The following TNXB variants were observed in gnomAD, a reference collection of about 807,000 sequenced individuals.
The protein encoded by TNXB is tenascin-X.
A neutral mutation model predicts 340.5 loss-of-function variants in TNXB; 183 were observed. The ratio of observed to expected loss-of-function variants is 0.54; its 90% CI spans 0.48 to 0.61. The LOEUF (loss-of-function observed/expected upper bound fraction) is 0.61, where lower values mean the gene tolerates loss of function less well. TNXB is among the 20% of genes least tolerant of loss of function. The pLI, the probability that TNXB is intolerant of heterozygous loss-of-function variation, is 0.00. For missense variants in TNXB, 4,613 were observed against 5,446.4 expected, an observed-to-expected ratio of 0.85 and a Z score of 4.82; for synonymous variants, 2,121 against 2,314.5, an observed-to-expected ratio of 0.92 and a Z score of 2.40.
In TNXB at chr6:32,070,400, C is replaced by T. The variant is rs778890919; in HGVS notation, c.5005G>A (p.Ala1669Thr). The change falls in exon 14 of 44, where the codon GCC becomes ACC. Residue 1669 changes from alanine to threonine, a missense_variant. Around this residue, in one of 7 missense-constraint regions of TNXB, gnomAD observed 4,327 missense variants for 4,859.4 expected, o/e 0.89. Transcript: ENST00000644971. The surrounding 1 kb of genome is among the most constrained non-coding windows in gnomAD (Gnocchi z 6.0). ...VEAKTVARGDASPGAPPRLGE... is the reference protein window; with the variant it reads ...VEAKTVARGDTSPGAPPRLGE... ...AGGCGGGGTGGGGCCCCTGGGCTGG[C>T]GTCACCTCGGGCAACTGGAGAGGAA... The T allele has an allele frequency of 8.2e-6, 13 of 1,590,690 alleles. No homozygotes were observed. Among genetic ancestry groups the T allele is most frequent in the South Asian group, 6.7e-5 (6 of 88,904 alleles).
chr6:32,082,193 G>A lies in TNXB; in HGVS notation c.3579C>T (p.Tyr1193=). Residue 1193 remains tyrosine (Y), a synonymous_variant, in exon 9 of 44, where the codon TAC becomes TAT. Coordinates refer to ENST00000644971, the MANE Select transcript of TNXB (RefSeq NM_001365276.2). This position sits in a 1 kb window ranked among gnomAD's most constrained non-coding sequence, Gnocchi z 5.0. ...CCTGGGGCCGTCCATCCCTGTCCCT[G>A]TACTGGACCATGAAGGTGTCAAACT... ...EGQFDTFMVQ[Y]RDRDGRPQVV... 6.2e-7 allele frequency: 1 copy of A among 1,612,580 alleles called. No homozygotes were observed. Among genetic ancestry groups the A allele is most frequent in the Non-Finnish European group, 8.5e-7 (1 of 1,179,616 alleles).
In TNXB at chr6:32,062,139, C is replaced by T. The variant is rs781722102; in HGVS notation, c.7168+18G>A. On this transcript the variant is annotated intron_variant, in intron 20 of 43. Transcript: ENST00000644971. This position sits in a 1 kb window ranked among gnomAD's most constrained non-coding sequence, Gnocchi z 4.3. ...CCCTCCCATGGCTCCCACCCTGGGG[C>T]TCCCATCGTCCACTCACCTGTCACC... The T allele has an allele frequency of 3.7e-6, 6 of 1,604,450 alleles. No individual in the cohort carries two copies. In the South Asian group the frequency reaches 6.6e-5, roughly 18 times the overall value.
chr6:32,074,054 T>G lies in TNXB; in HGVS notation c.4376-102A>C. ...TTTATTTTTTATTTTTGAGATGGAG[T>G]CTCGCTGTCACCCAGAGCAGTGGGC... On this transcript the variant is annotated intron_variant, in intron 11 of 43. Coordinates refer to ENST00000644971, the MANE Select transcript of TNXB (RefSeq NM_001365276.2). The surrounding 1 kb of genome is among the most constrained non-coding windows in gnomAD (Gnocchi z 5.5). The G allele has an allele frequency of 9.1e-4, 839 of 921,552 alleles. No individual in the cohort carries two copies. The highest frequency in any genetic ancestry group is 1.4e-3 in the Middle Eastern group (4 of 2,846). The allele number at this position is 921,552 out of a possible 1,614,324, so 57.1% of individuals were successfully genotyped here. A position where few individuals can be genotyped will look rare whatever the true frequency, so the allele number is the denominator to read the frequency against.
In TNXB at chr6:32,090,058, G is replaced by A. The variant is rs1399874691; in HGVS notation, c.2359-679C>T. ...ACCTTTCCCTTGAGGGACTTTTCTT[G>A]TCTCTTCACCCGGGTTGTAGGCTCC... On this transcript the variant is annotated intron_variant, in intron 4 of 43. Coordinates refer to ENST00000644971, the MANE Select transcript of TNXB (RefSeq NM_001365276.2). This position sits in a 1 kb window ranked among gnomAD's most constrained non-coding sequence, Gnocchi z 4.3. Among the ~76,000 whole-genome samples the A allele has an allele frequency of 1.3e-5, 2 of 152,112 alleles. No homozygotes were observed. The highest frequency in any genetic ancestry group is 4.8e-5 in the African/African-American group (2 of 41,422).
Position 32,042,114 on chromosome 6 carries a change from G to A in TNXB, c.12367C>T (p.Arg4123Trp). The A allele has an allele frequency of 6.8e-6, 4 of 590,028 alleles. No individual in the cohort carries two copies. Among genetic ancestry groups the A allele is most frequent in the Non-Finnish European group, 8.8e-6 (3 of 340,612 alleles). The allele number at this position is 590,028 out of a possible 1,614,324, so 36.5% of individuals were successfully genotyped here. A position where few individuals can be genotyped will look rare whatever the true frequency, so the allele number is the denominator to read the frequency against. ...GCGAACACAGCCTCGTCCCCAGCCC[G>A]CAGGTCCACGCGCATGGAGTAGTCA... ...AGDYSMRVDL[R>W]AGDEAVFAQY... is the part of the protein sequence containing the mutation. Residue 4123 changes from arginine (R) to tryptophan (W), a missense_variant, in exon 42 of 44, where the codon CGG becomes TGG. Around this residue, in one of 7 missense-constraint regions of TNXB, gnomAD observed 121 missense variants for 177.4 expected, o/e 0.68. Coordinates refer to ENST00000644971, the MANE Select transcript of TNXB (RefSeq NM_001365276.2).
In TNXB at chr6:32,070,376, G is replaced by C. The variant is rs1490081529; in HGVS notation, c.5029C>G (p.Leu1677Val). The C allele has an allele frequency of 3.1e-6, 5 of 1,600,592 alleles. No individual in the cohort carries two copies. The highest frequency in any genetic ancestry group is 4.3e-6 in the Non-Finnish European group (5 of 1,172,738). The change falls in exon 14 of 44, where the codon CTT becomes GTT. Residue 1677 changes from leucine to valine, a missense_variant. This residue lies in a region of TNXB where 4,327 missense variants were observed against 4,859.4 expected (regional missense o/e 0.89). Coordinates refer to ENST00000644971, the MANE Select transcript of TNXB (RefSeq NM_001365276.2). This position sits in a 1 kb window ranked among gnomAD's most constrained non-coding sequence, Gnocchi z 6.0. Reference protein sequence around the residue: ...GDASPGAPPRLGELWVTDPTP... With the variant: ...GDASPGAPPRVGELWVTDPTP... ...GGGTCTGTCACCCACAGCTCCCCAA[G>C]GCGGGGTGGGGCCCCTGGGCTGGCG...
At chr6:32,092,399 A>G (rs752465282) in intron 4 of TNXB, among the ~76,000 whole-genome samples, 1 of 152,238 alleles carries the variant, frequency 6.6e-6, no homozygotes, top group Non-Finnish European at 1.5e-5. Context: ...TTGATCTGGA[A>G]TAGCAGAGTT....
In TNXB at chr6:32,085,824, G is replaced by A. The variant is rs923551929; in HGVS notation, c.3074C>T (p.Pro1025Leu). Residue 1025 changes from proline (P) to leucine (L), a missense_variant, in exon 7 of 44, where the codon CCG becomes CTG. By Grantham distance (98) the Pro-to-Leu change is moderately conservative (BLOSUM62 -3). Coordinates refer to ENST00000644971, the MANE Select transcript of TNXB (RefSeq NM_001365276.2). This position sits in a 1 kb window ranked among gnomAD's most constrained non-coding sequence, Gnocchi z 6.4. ...GACCCCATGAAGTGACAGCTCATAC[G>A]GGGTTCCAGGAGGGGGTGGAGGCAC... ...ALVPPPPPGT[P>L]YELSLHGVPP... 8.1e-6 allele frequency: 13 copies of A among 1,603,912 alleles called. No individual in the cohort carries two copies. Among genetic ancestry groups the A allele is most frequent in the African/African-American group, 2.7e-5 (2 of 74,866 alleles).
chr6:32,054,611 TG>T (rs1256759087), intron 24 of TNXB, among the ~76,000 whole-genome samples: 1 of 152,228 alleles, frequency 6.6e-6, no homozygotes, highest in African/African-American at 2.4e-5. Context: ...TGGGTACTTG[TG>T]GGCAGAGTGA....
At position 32,042,691 on chromosome 6, in the gene TNXB, C is replaced by G; in HGVS notation, c.12058+8G>C. ...AGCCCCCGGCCCCGGGCCCGTGCGT[C>G]CAGGTACCCGTGGTGAAAGAGGTGG... On this transcript the variant is annotated splice_region_variant and intron_variant, in intron 39 of 43. Transcript: ENST00000644971. 1 of 1,193,720 alleles carries G rather than the reference C, an allele frequency of 8.4e-7. No homozygotes were observed. The highest frequency in any genetic ancestry group is 1.2e-6 in the Non-Finnish European group (1 of 851,478). The allele number at this position is 1,193,720 out of a possible 1,614,324, so 73.9% of individuals were successfully genotyped here.
At position 32,087,555 on chromosome 6, in the gene TNXB, G is replaced by A. The variant is rs1453054893; in HGVS notation, c.2779+1230C>T. ...CCCGGTCGACGCCTTCAGGCGAGAG[G>A]CCGTAGATTCCCTGGTTGGAGTCCC... On this transcript the variant is annotated intron_variant, in intron 6 of 43. Transcript: ENST00000644971. The surrounding 1 kb of genome is among the most constrained non-coding windows in gnomAD (Gnocchi z 9.0). 1 of 440,814 alleles carries A rather than the reference G, an allele frequency of 2.3e-6. No homozygotes were observed. The highest frequency in any genetic ancestry group is 4.5e-6 in the Non-Finnish European group (1 of 220,488). The allele number at this position is 440,814 out of a possible 1,614,324, so 27.3% of individuals were successfully genotyped here. A position where few individuals can be genotyped will look rare whatever the true frequency, so the allele number is the denominator to read the frequency against.
chr6:32,101,548 C>T (rs954369514), intron 1 of TNXB, among the ~76,000 whole-genome samples: 30 of 151,694 alleles, frequency 2.0e-4, no homozygotes, highest in African/African-American at 7.3e-4. Context: ...CTTGGCCTCC[C>T]ACAGTGCTGG....
In TNXB at chr6:32,049,305, T is replaced by C. The variant is rs773228846; in HGVS notation, c.9722A>G (p.Gln3241Arg). The change falls in exon 28 of 44, where the codon CAG (glutamine) becomes CGG (arginine). Residue 3241 changes from glutamine to arginine, a missense_variant. Gln to Arg is a conservative substitution (Grantham distance 43). Around this residue, in one of 7 missense-constraint regions of TNXB, gnomAD observed 4,327 missense variants for 4,859.4 expected, o/e 0.89. Transcript: ENST00000644971. The surrounding 1 kb of genome is among the most constrained non-coding windows in gnomAD (Gnocchi z 4.5). ...KMHLYGLHEG[Q>R]RVGPVSTVGI... ...CACGGTGGACACTGGGCCCACGCGC[T>C]GCCCCTCGTGGAGGCCGTACAGATG... 6.2e-6 allele frequency: 10 copies of C among 1,612,058 alleles called. No homozygotes were observed. The highest frequency in any genetic ancestry group is 8.5e-6 in the Non-Finnish European group (10 of 1,179,720).
At chr6:32,100,657 T>G (rs1191431429) in intron 1 of TNXB, among the ~76,000 whole-genome samples, 4 of 150,684 alleles carry the variant, frequency 2.7e-5, no homozygotes, top group Admixed American at 2.0e-4. Flanking sequence ...GTCTGGGAGG[T>G]CGAGGCTGTG....
intron 1 of TNXB, among the ~76,000 whole-genome samples, chr6:32,106,512 C>T (rs543337595): frequency 6.6e-6 from 1 of 152,306 alleles, no homozygotes; most frequent in East Asian, 1.9e-4. Context: ...CTCCACCCAA[C>T]ACGCACACAT....
At chr6:32,091,496 A>G (rs1256640891) in intron 4 of TNXB, among the ~76,000 whole-genome samples, 4 of 141,388 alleles carry the variant, frequency 2.8e-5, no homozygotes, top group African/African-American at 1.1e-4. Context: ...TTTTTTTTTG[A>G]GACGGAATTT....
rs535922674 is a variant in TNXB at position 32,097,631 on chromosome 6, T to G, written c.403+165A>C. 1 of 1,104,450 alleles carries G rather than the reference T, an allele frequency of 9.1e-7. No homozygotes were observed. The highest frequency in any genetic ancestry group is 2.6e-5 in the East Asian group (1 of 38,498). The allele number at this position is 1,104,450 out of a possible 1,614,324, so 68.4% of individuals were successfully genotyped here. ...TCAGGGCCCTCGCATATGCTTTGGT[T>G]GACATGTAGCCCAGCTCTGCTCTCC... On this transcript the variant is annotated intron_variant, in intron 2 of 43. Transcript: ENST00000644971. This position sits in a 1 kb window ranked among gnomAD's most constrained non-coding sequence, Gnocchi z 5.9.
At position 32,056,616 on chromosome 6, in the gene TNXB, C is replaced by T. The variant is rs544236432; in HGVS notation, c.8113G>A (p.Val2705Met). 7.8e-5 allele frequency: 126 copies of T among 1,613,072 alleles called. No individual in the cohort carries two copies. In the East Asian group the frequency reaches 2.3e-3, roughly 29 times the overall value. Reference protein sequence around the residue: ...NLYGFHGGQRVGPISVIGVTA... With the variant: ...NLYGFHGGQRMGPISVIGVTA... The stretch of plus-strand genomic sequence containing the variant: ...ACCCCAATGACAGAGATGGGGCCCA[C>T]GCGCTGGCCACCGTGGAAGCCGTAC... Residue 2705 changes from valine to methionine, a missense_variant, in exon 23 of 44, where the codon GTG becomes ATG. Coordinates refer to ENST00000644971, the MANE Select transcript of TNXB (RefSeq NM_001365276.2).
At position 32,058,344 on chromosome 6, in the gene TNXB, G is replaced by T. The variant is rs759852805; in HGVS notation, c.7539C>A (p.Gly2513=). ...VDETPSPTEP[G]TEAPGPPEEP... ...CCTCGGGGGGCCCTGGGGCCTCTGTGCCTGGTTCTGTAGGGCTGGGGGTCT... is the reference window on the plus strand; with the variant it reads ...CCTCGGGGGGCCCTGGGGCCTCTGTTCCTGGTTCTGTAGGGCTGGGGGTCT... The change falls in exon 22 of 44, where the codon GGC becomes GGA. Residue 2513 remains glycine (G), a synonymous_variant. Transcript: ENST00000644971. The surrounding 1 kb of genome is among the most constrained non-coding windows in gnomAD (Gnocchi z 5.1). The T allele has an allele frequency of 4.3e-6, 7 of 1,611,692 alleles. No homozygotes were observed. The South Asian group carries it at 5.5e-5, about 13-fold the overall frequency.
Sources: gnomAD v4.1 joint callset for allele counts (sites outside exome capture counted in the v4.1 genomes callset) on GRCh38, gnomAD v4.1.1 for gene constraint, gnomAD v4.1.1 regional missense constraint, Gnocchi (gnomAD v3.1) non-coding constraint, MANE v1.5 for transcripts, NCBI Gene and HGNC (gene_info 2026-07-23, HGNC 2026-07-21) for gene names.